Variants in MTMR9 observed in about 807,000 individuals in gnomAD.
MTMR9 encodes the protein myotubularin related protein 9, also known as myotubularin-related protein 9.
In MTMR9, 39 loss-of-function variants were observed where a neutral mutation model predicts 69.5. The ratio of observed to expected loss-of-function variants is 0.56; its 90% confidence interval spans 0.43 to 0.73. The LOEUF is 0.73. MTMR9 is among the 30% of genes least tolerant of loss of function. MTMR9 has a pLI of 0.00. For missense variants in MTMR9, 900 were observed against 671.2 expected (o/e 1.34, Z -3.77); for synonymous variants, 354 against 240.8 (o/e 1.47, Z -4.35).
intron 3 of MTMR9, among the ~76,000 whole-genome samples, chr8:11,302,988 AAT>A (rs1233487051): frequency 1.3e-5 from 2 of 151,930 alleles, no homozygotes; most frequent in Non-Finnish European, 1.5e-5. Flanking sequence ...TGGAAAAGAC[AAT>A]ATACTCATGG....
chr8:11,315,350 TG>T (rs1184346593), intron 7 of MTMR9, among the ~76,000 whole-genome samples: 1 of 152,204 alleles, frequency 6.6e-6, no homozygotes, highest in East Asian at 1.9e-4. Context: ...TCCCAGAAGC[TG>T]GGTCTTGACG....
intron 6 of MTMR9, among the ~76,000 whole-genome samples, chr8:11,312,492 A>G (rs912537147): frequency 6.6e-6 from 1 of 152,206 alleles, no homozygotes; most frequent in Non-Finnish European, 1.5e-5. Context: ...GGTTACAGGC[A>G]TGAGTCACCA....
At chr8:11,331,123 C>G (rs1801202304), downstream of MTMR9, 5 of 1,601,778 alleles carry the variant, frequency 3.1e-6, no homozygotes, top group East Asian at 4.5e-5. Context: ...GGCAGTCACC[C>G]CTACTTCAAC....
downstream of MTMR9, among the ~76,000 whole-genome samples, chr8:11,333,138 G>C (rs7815802): frequency 0.41 from 61,755 of 151,956 alleles, 14,137 homozygotes; most frequent in East Asian, 0.73. Flanking sequence ...AGACATAAGT[G>C]TACAAATCCA....
At chr8:11,295,084 A>G in intron 1 of MTMR9, 110 bp from the exon 2 acceptor site, 1 of 599,720 alleles carries the variant, frequency 1.7e-6, no homozygotes, top group Non-Finnish European at 2.8e-6. Flanking sequence ...TGAGGAGAAG[A>G]AAGTTAATAT....
At chr8:11,299,908 C>A in intron 2 of MTMR9, 115 bp from the exon 3 acceptor site, 1 of 1,218,702 alleles carries the variant, frequency 8.2e-7, no homozygotes, top group African/African-American at 1.5e-5. Flanking sequence ...GTTAGAGAAA[C>A]ATTCTGGGTG....
rs575832039 is a variant in MTMR9, at chr8:11,322,346, T to C, written c.1487-279T>C. Among the ~76,000 whole-genome samples, 38 of 152,334 alleles carry C rather than the reference T, an allele frequency of 2.5e-4. 1 individual carries two copies. The South Asian group carries it at 7.7e-3, about 31-fold the overall frequency. ...TTGTTTTCCTGAATATATCATAAAA[T>C]GGTATTTGGATCTATTTGATAATTT... On this transcript the variant is annotated intron_variant, in intron 9 of 9. Transcript: ENST00000221086.
chr8:11,306,155 C>T (rs1378186241), intron 4 of MTMR9, 35 bp from the exon 5 acceptor site: 1 of 1,584,514 alleles, frequency 6.3e-7, no homozygotes, highest in Non-Finnish European at 8.6e-7. Context: ...TTAAAAGCAA[C>T]TGCTGTTGAA....
chr8:11,297,883 T>C (rs377014461), intron 2 of MTMR9: 1 of 456,312 alleles, frequency 2.2e-6, no homozygotes, highest in Non-Finnish European at 4.4e-6. Context: ...CTGTCCTCTA[T>C]CCTTTTCCTG....
chr8:11,291,612 G>C (rs1727279617), intron 1 of MTMR9, among the ~76,000 whole-genome samples: 1 of 151,994 alleles, frequency 6.6e-6, no homozygotes, highest in Non-Finnish European at 1.5e-5. Flanking sequence ...TACCTTAATA[G>C]TTTATAGCAT....
chr8:11,298,932 C>T lies in MTMR9; in HGVS notation c.292-1091C>T, dbSNP rs111343198. ...ATTGCCCCCATTTGAGAATGGATCC[C>T]TGCAGCATGAAAATATGATGATACA... On this transcript the variant is annotated intron_variant, in intron 2 of 9. Transcript: ENST00000221086. 8.6e-4 allele frequency: 796 copies of T among 928,924 alleles called. 9 individuals are homozygous for T. The African/African-American group carries it at 0.013, about 15-fold the overall frequency. The allele number at this position is 928,924 out of a possible 1,614,324, so 57.5% of individuals were successfully genotyped here.
intron 1 of MTMR9, among the ~76,000 whole-genome samples, chr8:11,285,885 T>C (rs1339219820): frequency 6.6e-6 from 1 of 152,062 alleles, no homozygotes; most frequent in South Asian, 2.1e-4. Flanking sequence ...CACAGGATAA[T>C]TTGGATATTA....
downstream of MTMR9, chr8:11,331,116 A>C (rs372435920): frequency 1.3e-6 from 2 of 1,594,904 alleles, no homozygotes; most frequent in African/African-American, 2.7e-5. Context: ...GATGGCTGGC[A>C]GTCACCCCTA....
chr8:11,299,579 T>C (rs1482102636), intron 2 of MTMR9, among the ~76,000 whole-genome samples: 1 of 152,216 alleles, frequency 6.6e-6, no homozygotes, highest in Non-Finnish European at 1.5e-5. Context: ...CATCCTTTTT[T>C]ACAGTTACTA....
At chr8:11,333,566 A>T in the MTMR9 span, among the ~76,000 whole-genome samples, 1 of 152,258 alleles carries the variant, frequency 6.6e-6, no homozygotes, top group African/African-American at 2.4e-5. Flanking sequence ...ATGAAGAAAG[A>T]AGTATCTCCA....
intron 8 of MTMR9, 142 bp downstream of exon 8, chr8:11,317,035 T>G (rs2117448371): frequency 9.7e-6 from 5 of 517,582 alleles, no homozygotes; most frequent in Non-Finnish European, 1.7e-5. Context: ...TTAATTATAA[T>G]TTAAATGACC....
At chr8:11,336,637 T>G in the MTMR9 span, among the ~76,000 whole-genome samples, 1 of 152,190 alleles carries the variant, frequency 6.6e-6, no homozygotes, top group Admixed American at 6.5e-5. Flanking sequence ...GCCAGGAAAG[T>G]AAGCAAATAT....
At chr8:11,338,505 T>C in the MTMR9 span, among the ~76,000 whole-genome samples, 2 of 152,092 alleles carry the variant, frequency 1.3e-5, no homozygotes, top group Non-Finnish European at 2.9e-5. Flanking sequence ...CAACAATTAA[T>C]CTTCAGTGGA....
intron 7 of MTMR9, chr8:11,315,855 T>G (rs2117443285): frequency 6.6e-6 from 1 of 152,354 alleles, no homozygotes; most frequent in Admixed American, 6.5e-5. Context: ...TGAGTATGAC[T>G]GACTGATTTT....
Sources: gnomAD v4.1 joint callset for allele counts (sites outside exome capture counted in the v4.1 genomes callset) on GRCh38, gnomAD v4.1.1 for gene constraint, MANE v1.5 for transcripts, NCBI Gene and HGNC (gene_info 2026-07-23, HGNC 2026-07-21) for gene names.